The following RBBP8 variants were observed in gnomAD, a reference collection of about 807,000 sequenced individuals.
The protein encoded by RBBP8 is RB binding protein 8, endonuclease, also known as DNA endonuclease RBBP8.
A neutral mutation model predicts 108.3 loss-of-function variants in RBBP8; 88 were observed. The ratio of observed to expected loss-of-function variants is 0.81; its 90% CI spans 0.68 to 0.97. RBBP8 has a LOEUF of 0.97. RBBP8 is among the 50% of genes least tolerant of loss of function. The pLI, the probability that RBBP8 is intolerant of heterozygous loss-of-function variation, is 0.00. For synonymous variants in RBBP8, 332 were observed against 348.2 expected, an observed-to-expected ratio of 0.95 and a Z score of 0.52; for missense variants, 1,023 against 1,049.0, an observed-to-expected ratio of 0.98 and a Z score of 0.34.
chr18:22,996,347 A>G (rs781254190), intron 12 of RBBP8, 27 bp from the exon 13 acceptor site: 54 of 1,611,918 alleles, frequency 3.4e-5, no homozygotes, highest in Non-Finnish European at 4.2e-5. Context: ...CAGTTTTTTA[A>G]TTGCATGCTC....
intron 3 of RBBP8, among the ~76,000 whole-genome samples, chr18:22,922,112 C>T (rs1316382431): frequency 6.6e-6 from 1 of 152,016 alleles, no homozygotes; most frequent in Admixed American, 6.6e-5. Flanking sequence ...AGGCTCTAGT[C>T]AAGCAGATTA....
intron 10 of RBBP8, among the ~76,000 whole-genome samples, chr18:22,992,250 C>T (rs992122568): frequency 6.6e-6 from 1 of 152,224 alleles, no homozygotes; most frequent in Non-Finnish European, 1.5e-5. Context: ...GAGTCTCACT[C>T]TGTCACCCAG....
chr18:22,932,307 A>G (rs1164722887), upstream of RBBP8, among the ~76,000 whole-genome samples: 1 of 152,228 alleles, frequency 6.6e-6, no homozygotes, highest in African/African-American at 2.4e-5. Flanking sequence ...CACTCTGTCA[A>G]TTATGTTTCC....
At chr18:23,003,096 G>C (rs1423134453) in intron 15 of RBBP8, among the ~76,000 whole-genome samples, 1 of 152,112 alleles carries the variant, frequency 6.6e-6, no homozygotes, top group African/African-American at 2.4e-5. Flanking sequence ...GTCACAGCTT[G>C]TTTCCTAGAA....
At chr18:22,975,732 C>G (rs1438045903) in intron 6 of RBBP8, among the ~76,000 whole-genome samples, 1 of 151,890 alleles carries the variant, frequency 6.6e-6, no homozygotes, top group African/African-American at 2.4e-5. Flanking sequence ...TGTGACTTTG[C>G]AAAGTAGTTT....
chr18:22,987,816 A>G (rs1291768851), intron 8 of RBBP8, among the ~76,000 whole-genome samples: 1 of 152,136 alleles, frequency 6.6e-6, no homozygotes, highest in East Asian at 1.9e-4. Context: ...TGACTCATAC[A>G]CTAATAAATC....
chr18:22,986,557 T>C (rs1567978956), intron 8 of RBBP8, among the ~76,000 whole-genome samples: 1 of 151,666 alleles, frequency 6.6e-6, no homozygotes, highest in Non-Finnish European at 1.5e-5. Context: ...CAAGGGAGGA[T>C]TTTTTTTCAA....
intron 7 of RBBP8, among the ~76,000 whole-genome samples, chr18:22,984,139 C>CT (rs747146994): frequency 2.8e-4 from 42 of 152,100 alleles, no homozygotes; most frequent in Non-Finnish European, 4.9e-4. Flanking sequence ...GTCCTGTTCT[C>CT]TAACTTCCCT....
intron 18 of RBBP8, chr18:23,024,794 T>A (rs1457220560): frequency 6.6e-6 from 1 of 152,264 alleles, no homozygotes; most frequent in Non-Finnish European, 1.5e-5. Flanking sequence ...ATGATTTGAC[T>A]TTTTAATTAA....
intron 4 of RBBP8, among the ~76,000 whole-genome samples, chr18:22,961,812 C>T (rs191774842): frequency 1.2e-4 from 19 of 152,262 alleles, no homozygotes; most frequent in African/African-American, 3.9e-4. Flanking sequence ...AGCAGATTCC[C>T]GGGCCCCGTC....
chr18:22,993,836 A>G lies in RBBP8; in HGVS notation c.1928A>G (p.Gln643Arg). The stretch of plus-strand genomic sequence containing the variant: ...AGAACTGGTAAAATAAAGTCTCTAC[A>G]AAACAACCAAGGTGTGTACACCATA... Reference protein sequence around the residue: ...PCRTGKIKSLQNNQDVSFENI... With the variant: ...PCRTGKIKSLRNNQDVSFENI... Residue 643 changes from glutamine to arginine, a missense_variant, in exon 12 of 19, where the codon CAA becomes CGA. Gln to Arg is a conservative substitution (Grantham distance 43). Coordinates refer to ENST00000327155, the MANE Select transcript of RBBP8 (RefSeq NM_002894.3). The G allele has an allele frequency of 9.3e-6, 15 of 1,613,344 alleles. No homozygotes were observed. Among genetic ancestry groups the G allele is most frequent in the Middle Eastern group, 1.6e-4 (1 of 6,062 alleles).
At position 22,934,418 on chromosome 18, in the gene RBBP8, G is replaced by A. The variant is rs542232383; in HGVS notation, c.-99+854G>A. On this transcript the variant is annotated intron_variant, in intron 1 of 18. Coordinates refer to ENST00000327155, the MANE Select transcript of RBBP8 (RefSeq NM_002894.3). ...TAAACGAATATGTTAATACTTTTTC[G>A]GTCATTGAAGTAATTAAACCTTCAT... is the stretch of plus-strand genomic sequence containing the variant. Among the ~76,000 whole-genome samples, 220 of 152,068 alleles carry A rather than the reference G, an allele frequency of 1.4e-3. 1 individual carries two copies. Among genetic ancestry groups the A allele is most frequent in the Middle Eastern group, 0.014 (4 of 294 alleles).
chr18:22,982,462 T>C, intron 7 of RBBP8, 69 bp downstream of exon 7: 1 of 1,604,642 alleles, frequency 6.2e-7, no homozygotes, highest in Non-Finnish European at 8.5e-7. Flanking sequence ...GTTTTTATGT[T>C]ATTCAATCTA....
chr18:22,964,930 G>A (rs1019925093), intron 4 of RBBP8, among the ~76,000 whole-genome samples: 1 of 151,916 alleles, frequency 6.6e-6, no homozygotes, highest in Non-Finnish European at 1.5e-5. Flanking sequence ...ATTGTAGATA[G>A]GTTCTTGGAA....
intron 16 of RBBP8, among the ~76,000 whole-genome samples, chr18:23,012,227 A>C (rs2046180012): frequency 6.6e-6 from 1 of 151,104 alleles, no homozygotes; most frequent in African/African-American, 2.4e-5. Flanking sequence ...AAAAAAAAAA[A>C]AAAACCAACT....
chr18:22,962,674 C>CACACACAT (rs1410355240), intron 4 of RBBP8, among the ~76,000 whole-genome samples: 1 of 150,828 alleles, frequency 6.6e-6, no homozygotes, highest in East Asian at 2.0e-4. Flanking sequence ...CCCCCGAGCT[C>CACACACAT]ACACACATAC....
Position 22,944,888 on chromosome 18 carries a change from TA to T in RBBP8, c.110-1555del, listed in dbSNP as rs916878740. Among the ~76,000 whole-genome samples the T allele has an allele frequency of 3.2e-4, 49 of 152,164 alleles. 1 individual carries two copies. ...TCTATGTGACCATGGTTGGGAAATG[TA>T]TAGGTTTGTTTTTAAAATTTGTATT... On this transcript the variant is annotated intron_variant, in intron 2 of 18. Coordinates refer to ENST00000327155, the MANE Select transcript of RBBP8 (RefSeq NM_002894.3).
At chr18:23,000,709 C>G (rs2045932628) in intron 14 of RBBP8, among the ~76,000 whole-genome samples, 1 of 151,026 alleles carries the variant, frequency 6.6e-6, no homozygotes, top group African/African-American at 2.4e-5. Context: ...TCACTGCACT[C>G]CAGCCCGGGT....
chr18:23,001,531 C>A, intron 14 of RBBP8, 55 bp from the exon 15 acceptor site: 1 of 1,601,978 alleles, frequency 6.2e-7, no homozygotes, highest in South Asian at 1.1e-5. Flanking sequence ...TCATGATGGT[C>A]TACATATTAA....
Sources: gnomAD v4.1 joint callset for allele counts (sites outside exome capture counted in the v4.1 genomes callset) on GRCh38, gnomAD v4.1.1 for gene constraint, MANE v1.5 for transcripts, NCBI Gene and HGNC (gene_info 2026-07-23, HGNC 2026-07-21) for gene names.